TMTC2: variants seen among roughly 807,000 people sequenced by gnomAD.
TMTC2 encodes transmembrane O-mannosyltransferase targeting cadherins 2.
TMTC2 carries 43 observed loss-of-function variants against 82.4 expected under a neutral mutation model. The observed-to-expected ratio is 0.52, with a 90% CI of 0.41 to 0.67. The LOEUF is 0.67. Ranked by LOEUF, TMTC2 falls within the 30% of genes least tolerant of loss-of-function variation. TMTC2 has a pLI of 0.00. For missense variants in TMTC2, 919 were observed against 1,012.4 expected (o/e 0.91, Z 1.25); for synonymous variants, 408 against 381.9 (o/e 1.07, Z -0.80).
rs1027943522 is a variant in TMTC2 at position 83,134,606 on chromosome 12, G to GC, written c.*2217_*2218insC. 9 of 149,018 alleles carry GC rather than the reference G, an allele frequency of 6.0e-5. No homozygotes were observed. The highest frequency in any genetic ancestry group is 1.7e-4 in the African/African-American group (7 of 40,776). The allele number at this position is 149,018 out of a possible 1,614,324, so 9.2% of individuals were successfully genotyped here. ...TGGACTTAGTAACTGACCAACTTCG[G>GC]GGGGAGGGTTGGGGCAAGGGGGGGT... On this transcript the variant is annotated 3_prime_UTR_variant, in exon 12 of 12. Coordinates refer to ENST00000321196, the MANE Select transcript of TMTC2 (RefSeq NM_152588.3).
At chr12:83,098,507 T>G (rs2137529944) in intron 11 of TMTC2, among the ~76,000 whole-genome samples, 1 of 152,358 alleles carries the variant, frequency 6.6e-6, no homozygotes, top group Non-Finnish European at 1.5e-5. Context: ...AAATCTATTC[T>G]TCAGTCCTGT....
In TMTC2 at chr12:82,687,536, C is replaced by G. The variant is rs569848987; in HGVS notation, c.-51C>G. 116 of 1,543,674 alleles carry G rather than the reference C, an allele frequency of 7.5e-5. 1 individual carries two copies. In the South Asian group the frequency reaches 1.3e-3, roughly 18 times the overall value. ...AGATTGATGCTTCTGTTTTTTGTTG[C>G]CGCTGCTGCCCTCGCGCTGGGAGCC... On this transcript the variant is annotated 5_prime_UTR_variant, in exon 1 of 12. Transcript: ENST00000321196.
At chr12:83,082,853 G>A (rs1053154221) in intron 11 of TMTC2, among the ~76,000 whole-genome samples, 8 of 152,138 alleles carry the variant, frequency 5.3e-5, no homozygotes, top group African/African-American at 7.2e-5. Context: ...CCTCAGTGAC[G>A]TCCCTATTTG....
chr12:82,842,998 A>AGT (rs754993044), intron 1 of TMTC2, among the ~76,000 whole-genome samples: 1 of 152,202 alleles, frequency 6.6e-6, no homozygotes, highest in East Asian at 1.9e-4. Context: ...GACATGGCAC[A>AGT]GTGTGTGTGG....
chr12:83,032,257 T>TTTTATA (rs1281689866), intron 9 of TMTC2, among the ~76,000 whole-genome samples: 1 of 130,834 alleles, frequency 7.6e-6, no homozygotes, highest in Non-Finnish European at 1.6e-5. Context: ...AGAGAATATT[T>TTTTATA]TATATATATA....
chr12:82,798,746 G>A (rs1160724821), intron 1 of TMTC2, among the ~76,000 whole-genome samples: 2 of 145,968 alleles, frequency 1.4e-5, no homozygotes, highest in East Asian at 2.1e-4. Context: ...GGCGGAGGTT[G>A]TATTGAGCTG....
chr12:82,772,584 A>C (rs561980404), intron 1 of TMTC2, among the ~76,000 whole-genome samples: 1 of 152,220 alleles, frequency 6.6e-6, no homozygotes, highest in Non-Finnish European at 1.5e-5. Context: ...GTTAGTAGAC[A>C]TAGTAGTCTG....
In TMTC2 at chr12:82,937,701, G is replaced by GGTGT. The variant is rs146657948; in HGVS notation, c.1598+7180_1598+7183dup. Among the ~76,000 whole-genome samples the GGTGT allele has an allele frequency of 4.0e-3, 290 of 73,248 alleles. 7 individuals are homozygous for GGTGT. The highest frequency in any genetic ancestry group is 0.013 in the African/African-American group (264 of 20,164). 48.1% of individuals were successfully genotyped at this position (73,248 alleles called of 152,430 possible). A position where few individuals can be genotyped will look rare whatever the true frequency, so the allele number is the denominator to read the frequency against. The stretch of plus-strand genomic sequence containing the variant: ...GCTAACATTTTGAACAAATGTCAAT[G>GGTGT]GTGTGTGTGTGTGTGTGTGTGTGTG... On this transcript the variant is annotated intron_variant, in intron 4 of 11. Coordinates refer to ENST00000321196, the MANE Select transcript of TMTC2 (RefSeq NM_152588.3).
At chr12:83,055,705 G>GGTGTGTGTGTGTGTGTGTGT in intron 10 of TMTC2, among the ~76,000 whole-genome samples, 1 of 147,974 alleles carries the variant, frequency 6.8e-6, no homozygotes, top group African/African-American at 2.5e-5. Context: ...TAGTGGAAGG[G>GGTGTGTGTGTGTGTGTGTGT]GTGTGTGTGT....
chr12:82,994,869 G>T (rs886364917), intron 8 of TMTC2, among the ~76,000 whole-genome samples: 14 of 152,112 alleles, frequency 9.2e-5, no homozygotes, highest in African/African-American at 3.4e-4. Flanking sequence ...TACATTCATT[G>T]TATTACCTTA....
In TMTC2 at chr12:83,050,969, C is replaced by G. The variant is rs1882323934; in HGVS notation, c.2218C>G (p.Leu740Val). ...AAEMAKKAAE[L>V]DSTEFDVVFN... ...TGAGATGGCAAAAAAAGCAGCTGAA[C>G]TAGACAGCACAGAGTTTGATGTTGT... Residue 740 changes from leucine to valine, a missense_variant, in exon 10 of 12, where the codon CTA (leucine) becomes GTA (valine). Physicochemically the swap from Leu to Val is conservative, Grantham distance 32. Transcript: ENST00000321196. 1 of 1,613,024 alleles carries G rather than the reference C, an allele frequency of 6.2e-7. No individual in the cohort carries two copies. The highest frequency in any genetic ancestry group is 8.5e-7 in the Non-Finnish European group (1 of 1,179,452).
At chr12:83,042,337 G>C in intron 9 of TMTC2, among the ~76,000 whole-genome samples, 1 of 152,226 alleles carries the variant, frequency 6.6e-6, no homozygotes, top group South Asian at 2.1e-4. Flanking sequence ...CAACTCCCTA[G>C]TGTAAGAATG....
At chr12:82,886,373 A>G (rs1033854316) in intron 2 of TMTC2, among the ~76,000 whole-genome samples, 1 of 152,226 alleles carries the variant, frequency 6.6e-6, no homozygotes, top group Non-Finnish European at 1.5e-5. Flanking sequence ...TCAGGAAAAT[A>G]TCTTTCAAGT....
intron 1 of TMTC2, among the ~76,000 whole-genome samples, chr12:82,764,916 GAC>G (rs1876861465): frequency 6.9e-6 from 1 of 144,878 alleles, no homozygotes; most frequent in Non-Finnish European, 1.5e-5. Flanking sequence ...TTTTACGTAA[GAC>G]AACACAGACA....
chr12:82,960,160 A>G (rs1278164516), intron 4 of TMTC2, among the ~76,000 whole-genome samples: 1 of 152,084 alleles, frequency 6.6e-6, no homozygotes, highest in Non-Finnish European at 1.5e-5. Context: ...TAAAAAGTCA[A>G]AAAAACAATA....
chr12:83,092,536 G>C (rs1396908782), intron 11 of TMTC2, among the ~76,000 whole-genome samples: 1 of 152,128 alleles, frequency 6.6e-6, no homozygotes, highest in Non-Finnish European at 1.5e-5. Flanking sequence ...TGGCAGCCAT[G>C]TACCCAGAAA....
At chr12:82,955,256 C>T (rs1210395566) in intron 4 of TMTC2, among the ~76,000 whole-genome samples, 3 of 152,134 alleles carry the variant, frequency 2.0e-5, no homozygotes, top group African/African-American at 7.2e-5. Context: ...TGCCAAATAT[C>T]CCCTGGGGTG....
At chr12:82,867,192 A>C (rs1310265201) in intron 2 of TMTC2, among the ~76,000 whole-genome samples, 1 of 152,212 alleles carries the variant, frequency 6.6e-6, no homozygotes, top group Non-Finnish European at 1.5e-5. Context: ...CATCAAGAGA[A>C]ATAGCATGAA....
chr12:82,708,269 C>T (rs769136735), intron 1 of TMTC2, among the ~76,000 whole-genome samples: 1 of 152,168 alleles, frequency 6.6e-6, no homozygotes, highest in African/African-American at 2.4e-5. Context: ...TCCCTGAGAG[C>T]ACATCTGGAC....
Sources: allele counts gnomAD v4.1 joint callset (sites outside exome capture counted in the v4.1 genomes callset), GRCh38; gene constraint gnomAD v4.1.1; transcripts MANE v1.5; gene names NCBI Gene and HGNC (gene_info 2026-07-23, HGNC 2026-07-21).